DIAPH2: variants seen among roughly 807,000 people sequenced by gnomAD.
DIAPH2 encodes the protein protein diaphanous homolog 2.
Under a neutral mutation model 92.7 loss-of-function variants are expected in DIAPH2, and 35 were observed. The observed-to-expected ratio is 0.38, with a 90% CI of 0.29 to 0.50. The LOEUF (loss-of-function observed/expected upper bound fraction) is 0.50. Ranked by LOEUF, DIAPH2 falls within the 20% of genes least tolerant of loss-of-function variation. DIAPH2 has a pLI of 0.94. For synonymous variants in DIAPH2, 301 were observed against 280.4 expected, an observed-to-expected ratio of 1.07 and a Z score of -0.73; for missense variants, 701 against 819.5, an observed-to-expected ratio of 0.86 and a Z score of 1.77.
rs887378942 is a variant in DIAPH2, at chrX:97,178,123, G to A, written c.2719+36329G>A. Reference sequence around the variant, plus strand: ...TAATCCCAGCTGCTGGGGATGGGGGGCCTTGGGGGGAATGCTGATGCAGGA... The same window carrying A: ...TAATCCCAGCTGCTGGGGATGGGGGACCTTGGGGGGAATGCTGATGCAGGA... On this transcript the variant is annotated intron_variant, in intron 22 of 26. Coordinates refer to ENST00000324765, the MANE Select transcript of DIAPH2 (RefSeq NM_006729.5). Among the ~76,000 whole-genome samples the A allele has an allele frequency of 7.3e-5, 8 of 110,006 alleles. No homozygotes were observed. In the East Asian group the frequency reaches 1.7e-3, roughly 24 times the overall value.
intron 26 of DIAPH2, among the ~76,000 whole-genome samples, chrX:97,593,366 T>C (rs2071529512): frequency 9.1e-6 from 1 of 110,344 alleles, no homozygotes; most frequent in Admixed American, 9.7e-5. Context: ...CAACAAATAG[T>C]GCAGGAACAG....
chrX:97,421,149 G>A (rs1475221314), intron 25 of DIAPH2, among the ~76,000 whole-genome samples: 6 of 111,649 alleles, frequency 5.4e-5, no homozygotes, highest in Non-Finnish European at 7.5e-5. Context: ...TTGCCAAATG[G>A]TTTGATTTCT....
At chrX:96,719,764 T>G (rs777304154) in intron 1 of DIAPH2, among the ~76,000 whole-genome samples, 3 of 112,123 alleles carry the variant, frequency 2.7e-5, no homozygotes, top group African/African-American at 9.7e-5. Context: ...GCTTTGGCTA[T>G]TCTGTATCTT....
chrX:97,307,908 CAA>C (rs34217377), intron 23 of DIAPH2, among the ~76,000 whole-genome samples: 2,657 of 64,781 alleles, frequency 0.041, 117 homozygotes, highest in African/African-American at 0.14. Context: ...GACTCTGTCT[CAA>C]AAAAAAAAAA....
chrX:97,016,037 A>G (rs779377722), intron 17 of DIAPH2, among the ~76,000 whole-genome samples: 2 of 112,187 alleles, frequency 1.8e-5, no homozygotes, highest in East Asian at 2.8e-4. Flanking sequence ...AGGACCTGCC[A>G]TTAACTTGGT....
intron 23 of DIAPH2, among the ~76,000 whole-genome samples, chrX:97,271,813 GCACA>G (rs780653047): frequency 0.024 from 2,164 of 91,514 alleles, 60 homozygotes; most frequent in African/African-American, 0.082. Context: ...ATATATATAT[GCACA>G]CACACACACA....
At chrX:97,081,240 C>G (rs1487745430) in intron 19 of DIAPH2, among the ~76,000 whole-genome samples, 1 of 111,442 alleles carries the variant, frequency 9.0e-6, no homozygotes, top group African/African-American at 3.3e-5. Flanking sequence ...ATCTTTGGCT[C>G]TTAAATAGGT....
chrX:97,031,773 G>A (rs1245424623), intron 17 of DIAPH2, among the ~76,000 whole-genome samples: 1 of 111,530 alleles, frequency 9.0e-6, no homozygotes, highest in Non-Finnish European at 1.9e-5. Context: ...CAGGACCACA[G>A]AGGGGAGAAG....
chrX:96,893,884 C>T (rs901907377), intron 5 of DIAPH2, among the ~76,000 whole-genome samples: 1 of 111,696 alleles, frequency 9.0e-6, no homozygotes, highest in Non-Finnish European at 1.9e-5. Flanking sequence ...CTCTATGACC[C>T]CAGCTGTTCG....
At chrX:97,427,410 T>C (rs912443107) in intron 25 of DIAPH2, among the ~76,000 whole-genome samples, 4 of 111,324 alleles carry the variant, frequency 3.6e-5, no homozygotes, top group African/African-American at 1.3e-4. Flanking sequence ...AGCACTGGGC[T>C]TGGTATCAGA....
intron 25 of DIAPH2, among the ~76,000 whole-genome samples, chrX:97,419,103 T>G (rs1382769601): frequency 9.0e-6 from 1 of 111,212 alleles, no homozygotes; most frequent in Non-Finnish European, 1.9e-5. Flanking sequence ...ATTTTTTTTT[T>G]TAAAGACACA....
rs778169029 is a variant in DIAPH2 at position 96,787,878 on chromosome X, A to C, written c.447+29620A>C. 5.2e-3 allele frequency among the ~76,000 whole-genome samples: 494 copies of C among 95,442 alleles called. 7 individuals carry two copies. Among genetic ancestry groups the C allele is most frequent in the African/African-American group, 0.017 (445 of 26,285 alleles). 82.9% of individuals were successfully genotyped at this position (95,442 alleles called of 115,157 possible). A position where few individuals can be genotyped will look rare whatever the true frequency, so the allele number is the denominator to read the frequency against. ...GCTAATTTTTTTCTTTTTTTTTTTT[A>C]TTTTTTATTTTTAGTAGAGACGGGT... is the stretch of plus-strand genomic sequence containing the variant. On this transcript the variant is annotated intron_variant, in intron 4 of 26. Transcript: ENST00000324765.
At chrX:96,992,687 C>G (rs1452845398) in intron 17 of DIAPH2, among the ~76,000 whole-genome samples, 4 of 112,369 alleles carry the variant, frequency 3.6e-5, no homozygotes, top group Non-Finnish European at 7.5e-5. Flanking sequence ...TGTGCCTTTG[C>G]TTTGCATTTT....
At chrX:97,486,484 G>T (rs1239723722) in intron 26 of DIAPH2, among the ~76,000 whole-genome samples, 1 of 111,961 alleles carries the variant, frequency 8.9e-6, no homozygotes, top group Admixed American at 9.5e-5. Flanking sequence ...CAGTATATAT[G>T]TTACAAATGA....
chrX:97,397,604 A>G (rs1413791039), intron 25 of DIAPH2, among the ~76,000 whole-genome samples: 1 of 112,001 alleles, frequency 8.9e-6, no homozygotes, highest in Admixed American at 9.5e-5. Context: ...TTCTCAGAGT[A>G]TGCTGGTTTA....
In DIAPH2 at chrX:96,939,226, T is replaced by G. The variant is rs769239924; in HGVS notation, c.1209-40T>G. ...TAAACTCCTTTGTTATGAATGAGAC[T>G]TCCATCAAGGATCTTTAATATTTTT... On this transcript the variant is annotated intron_variant, in intron 11 of 26. Transcript: ENST00000324765. The G allele has an allele frequency of 5.0e-6, 3 of 600,842 alleles. No individual in the cohort carries two copies. The Admixed American group carries it at 8.5e-5, about 17-fold the overall frequency. The allele number at this position is 600,842 out of a possible 1,213,427, so 49.5% of individuals were successfully genotyped here.
At chrX:97,140,244 A>G (rs775781025) in intron 21 of DIAPH2, among the ~76,000 whole-genome samples, 2 of 111,207 alleles carry the variant, frequency 1.8e-5, no homozygotes, top group East Asian at 5.7e-4. Flanking sequence ...CTTAAAAACG[A>G]TGCACTTTGT....
chrX:96,869,371 G>A (rs938166347), intron 4 of DIAPH2, among the ~76,000 whole-genome samples: 1 of 110,444 alleles, frequency 9.1e-6, no homozygotes, highest in African/African-American at 3.3e-5. Flanking sequence ...AGACCAGCCT[G>A]GCCAATATGG....
At chrX:96,735,448 G>T (rs778921615) in intron 1 of DIAPH2, among the ~76,000 whole-genome samples, 1 of 110,959 alleles carries the variant, frequency 9.0e-6, no homozygotes, top group Admixed American at 9.6e-5. Context: ...GCATGCCAGG[G>T]CTTATGATTT....
Sources: gnomAD v4.1 joint callset for allele counts (sites outside exome capture counted in the v4.1 genomes callset) on GRCh38, gnomAD v4.1.1 for gene constraint, MANE v1.5 for transcripts, NCBI Gene and HGNC (gene_info 2026-07-23, HGNC 2026-07-21) for gene names.